SS18: variants seen among roughly 807,000 people sequenced by gnomAD.
SS18 encodes protein SSXT.
In SS18, 28 loss-of-function variants were observed where a neutral mutation model predicts 72.5. That is an observed-to-expected ratio of 0.39 (90% CI 0.29 to 0.53). The LOEUF is 0.53. Ranked by LOEUF, SS18 falls within the 20% of genes least tolerant of loss-of-function variation. The probability of loss-of-function intolerance (pLI) is 0.76; values close to 1 mark genes in which losing one functional copy is unlikely to be tolerated. For synonymous variants in SS18, 172 were observed against 164.2 expected (o/e 1.05, Z -0.37); for missense variants, 518 against 535.3 (o/e 0.97, Z 0.32).
chr18:26,039,338 AT>A lies in SS18; in HGVS notation c.725del (p.Asn242IlefsTer3). The A allele has an allele frequency of 6.2e-7, 1 of 1,613,912 alleles. No homozygotes were observed. The highest frequency in any genetic ancestry group is 8.5e-7 in the Non-Finnish European group (1 of 1,179,884). ...MGMMGQVNQG[N>X]HMMGQRQIPP... The stretch of plus-strand genomic sequence containing the variant: ...GAATCTGTCTCTGACCCATCATATG[AT>A]TGCCTTGGTTAACTTGACCCATCAT... On this transcript the variant is annotated frameshift_variant, in exon 6 of 11. Transcript: ENST00000415083. LOFTEE classifies it high-confidence loss of function.
chr18:26,035,082 G>C lies in SS18; in HGVS notation c.1019C>G (p.Pro340Arg). 1.2e-6 allele frequency: 2 copies of C among 1,613,500 alleles called. No homozygotes were observed. Among genetic ancestry groups the C allele is most frequent in the Non-Finnish European group, 1.7e-6 (2 of 1,179,660 alleles). ...CTGGGGTGGATATCCCTGTTGTGGAGGTGGTCCCTGGTATGCATCTTGCTG... is the reference window on the plus strand; with the variant it reads ...CTGGGGTGGATATCCCTGTTGTGGACGTGGTCCCTGGTATGCATCTTGCTG... ...GQQQDAYQGP[P>R]PQQGYPPQQQ... The change falls in exon 9 of 11, where the codon CCT becomes CGT. Residue 340 changes from proline (P) to arginine (R), a missense_variant. Transcript: ENST00000415083. The surrounding 1 kb of genome is among the most constrained non-coding windows in gnomAD (Gnocchi z 4.4).
chr18:26,080,632 C>G (rs938151801), intron 2 of SS18, among the ~76,000 whole-genome samples: 5 of 152,196 alleles, frequency 3.3e-5, no homozygotes, highest in African/African-American at 1.2e-4. Flanking sequence ...GCCCAACCTT[C>G]TCTCAACTGT....
chr18:26,087,481 A>C lies in SS18; in HGVS notation c.146+20T>G, dbSNP rs756511164. On this transcript the variant is annotated intron_variant, in intron 2 of 10. Transcript: ENST00000415083. ...CAATACAAAAAACTGAATAAAAAAA[A>C]AGTTTCTTATCAATCTTACTGAGAA... The C allele has an allele frequency of 6.9e-7, 1 of 1,455,622 alleles. No homozygotes were observed. 90.2% of individuals were successfully genotyped at this position (1,455,622 alleles called of 1,614,324 possible).
chr18:26,074,079 T>C (rs747063216), intron 3 of SS18, among the ~76,000 whole-genome samples: 8 of 152,130 alleles, frequency 5.3e-5, no homozygotes, highest in Non-Finnish European at 1.2e-4. Context: ...CTGATGAGAT[T>C]AGAGGTGATT....
intron 2 of SS18, among the ~76,000 whole-genome samples, chr18:26,080,699 T>C (rs1022276177): frequency 1.3e-5 from 2 of 152,220 alleles, no homozygotes; most frequent in African/African-American, 2.4e-5. Context: ...AAAGTTTCAA[T>C]AGCAAAGTCT....
At chr18:26,054,118 A>G (rs2053970920) in intron 4 of SS18, among the ~76,000 whole-genome samples, 2 of 152,154 alleles carry the variant, frequency 1.3e-5, no homozygotes, top group Non-Finnish European at 2.9e-5. Flanking sequence ...GCCTAACACA[A>G]TGTAAATGCT....
intron 2 of SS18, chr18:26,082,525 C>G: frequency 1.0e-6 from 1 of 985,044 alleles, no homozygotes; most frequent in Non-Finnish European, 1.2e-6. Context: ...AGTTTGGACT[C>G]ACCCTAAAAT....
chr18:26,043,811 T>G (rs2053771777), intron 5 of SS18, among the ~76,000 whole-genome samples: 1 of 152,150 alleles, frequency 6.6e-6, no homozygotes, highest in Non-Finnish European at 1.5e-5. Context: ...AATGGAAACA[T>G]GATTCTAGCA....
In SS18 at chr18:26,057,732, T is replaced by C; in HGVS notation, c.242A>G (p.Gln81Arg). The stretch of plus-strand genomic sequence containing the variant: ...CCCTCCAGGACCCATAGGCATATTC[T>C]GTGTGGGTGGCTGAAAGAAGACAGT... ...MQSLLPAPPT[Q>R]NMPMGPGGMN... is the part of the protein sequence containing the mutation. The change falls in exon 4 of 11, where the codon CAG (glutamine) becomes CGG (arginine). Residue 81 changes from glutamine to arginine, a missense_variant. By Grantham distance (43) the Gln-to-Arg change is conservative (BLOSUM62 1). Transcript: ENST00000415083. 6.2e-7 allele frequency: 1 copy of C among 1,600,330 alleles called. No homozygotes were observed. Among genetic ancestry groups the C allele is most frequent in the African/African-American group, 1.3e-5 (1 of 74,492 alleles).
intron 2 of SS18, among the ~76,000 whole-genome samples, chr18:26,081,058 C>T (rs558775931): frequency 3.7e-5 from 5 of 136,650 alleles, no homozygotes; most frequent in African/African-American, 8.5e-5. Flanking sequence ...GTCCGCAGTC[C>T]GGCCTGGGCG....
upstream of SS18, chr18:26,090,678 G>T: frequency 8.4e-7 from 1 of 1,190,368 alleles, no homozygotes; most frequent in Non-Finnish European, 1.2e-6. Context: ...TGCGGGGAGG[G>T]GGGATGCTCC....
intron 3 of SS18, among the ~76,000 whole-genome samples, chr18:26,066,816 C>T (rs928365792): frequency 6.6e-6 from 1 of 152,028 alleles, no homozygotes; most frequent in African/African-American, 2.4e-5. Flanking sequence ...GAAAAATGTG[C>T]CCCCATAGAC....
intron 10 of SS18, among the ~76,000 whole-genome samples, chr18:26,029,693 A>G (rs1598532560): frequency 6.6e-6 from 1 of 152,298 alleles, no homozygotes; most frequent in South Asian, 2.1e-4. Flanking sequence ...CTCCCCTTTT[A>G]TCTTGCATAT....
chr18:26,090,639 C>T (rs1057132460), upstream of SS18: 5 of 1,477,374 alleles, frequency 3.4e-6, no homozygotes, highest in African/African-American at 2.8e-5. Flanking sequence ...GGAGAGACGC[C>T]GGCCTCTCGG....
Position 26,035,290 on chromosome 18 carries a change from T to C in SS18, c.974-163A>G. ...AAAAACTCAAACCAAACAGAAGGAT[T>C]TCGGCCAAACAAACTGCAGTTAAAG... On this transcript the variant is annotated intron_variant, in intron 8 of 10. Transcript: ENST00000415083. This position sits in a 1 kb window ranked among gnomAD's most constrained non-coding sequence, Gnocchi z 4.4. 1 of 970,400 alleles carries C rather than the reference T, an allele frequency of 1.0e-6. No individual in the cohort carries two copies. The highest frequency in any genetic ancestry group is 1.8e-5 in the South Asian group (1 of 54,514). 60.1% of individuals were successfully genotyped at this position (970,400 alleles called of 1,614,324 possible).
intron 9 of SS18, among the ~76,000 whole-genome samples, chr18:26,033,297 T>A (rs2053574391): frequency 6.6e-6 from 1 of 152,178 alleles, no homozygotes; most frequent in Non-Finnish European, 1.5e-5. Flanking sequence ...GAGGATCACC[T>A]GAGGTCAGGA....
chr18:26,020,499 T>C (rs1310121669), intron 10 of SS18, among the ~76,000 whole-genome samples: 1 of 152,190 alleles, frequency 6.6e-6, no homozygotes, highest in Non-Finnish European at 1.5e-5. Flanking sequence ...CACTGTACCA[T>C]AGTATATAAG....
chr18:26,056,546 C>G (rs1186543484), intron 4 of SS18, among the ~76,000 whole-genome samples: 1 of 152,194 alleles, frequency 6.6e-6, no homozygotes, highest in African/African-American at 2.4e-5. Flanking sequence ...AGTCACACCT[C>G]AATCTTCTAT....
chr18:26,060,028 T>C (rs534255086), intron 3 of SS18, among the ~76,000 whole-genome samples: 2 of 152,364 alleles, frequency 1.3e-5, no homozygotes, highest in Middle Eastern at 6.8e-3. Context: ...CCATATGATC[T>C]AGCAACTCCA....
Sources: gnomAD v4.1 joint callset for allele counts (sites outside exome capture counted in the v4.1 genomes callset) on GRCh38, gnomAD v4.1.1 for gene constraint, Gnocchi (gnomAD v3.1) non-coding constraint, MANE v1.5 for transcripts, NCBI Gene and HGNC (gene_info 2026-07-23, HGNC 2026-07-21) for gene names.